The following ASCC3 variants were observed in gnomAD, a reference collection of about 807,000 sequenced individuals.
ASCC3 encodes the protein activating signal cointegrator 1 complex subunit 3.
In ASCC3, 158 loss-of-function variants were observed where a neutral mutation model predicts 256.3. The ratio of observed to expected loss-of-function variants is 0.62; its 90% CI spans 0.54 to 0.70. The LOEUF (loss-of-function observed/expected upper bound fraction) is 0.70, where lower values mean the gene tolerates loss of function less well. Among genes scored for constraint, ASCC3 ranks in the 30% least tolerant of loss-of-function variants. The pLI, the probability that ASCC3 is intolerant of heterozygous loss-of-function variation, is 0.00. For missense variants in ASCC3, 2,259 were observed against 2,626.0 expected (o/e 0.86, Z 3.05); for synonymous variants, 948 against 883.4 (o/e 1.07, Z -1.30).
intron 36 of ASCC3, among the ~76,000 whole-genome samples, chr6:100,551,816 C>T (rs1425322028): frequency 6.6e-6 from 1 of 151,868 alleles, no homozygotes. Flanking sequence ...TTTGACAGTT[C>T]TTCTTTTTCT....
At chr6:100,653,389 C>T (rs1775763583) in intron 17 of ASCC3, among the ~76,000 whole-genome samples, 1 of 152,066 alleles carries the variant, frequency 6.6e-6, no homozygotes, top group South Asian at 2.1e-4. Flanking sequence ...CCTGTAATCC[C>T]AGCACTTTGG....
intron 37 of ASCC3, among the ~76,000 whole-genome samples, chr6:100,527,143 A>G (rs1352328683): frequency 6.6e-6 from 1 of 152,194 alleles, no homozygotes; most frequent in Non-Finnish European, 1.5e-5. Context: ...AGTTTCCAGC[A>G]TACTTTAGAT....
intron 41 of ASCC3, 53 bp from the exon 42 acceptor site, chr6:100,509,586 A>G (rs1773652976): frequency 5.2e-6 from 8 of 1,527,110 alleles, no homozygotes; most frequent in South Asian, 4.6e-5. Context: ...AATCACAATC[A>G]TATTTAATTC....
At chr6:100,852,271 A>G (rs1772718816) in intron 3 of ASCC3, among the ~76,000 whole-genome samples, 1 of 152,164 alleles carries the variant, frequency 6.6e-6, no homozygotes, top group African/African-American at 2.4e-5. Flanking sequence ...ACAAAAATGT[A>G]ATTGGAAGGG....
chr6:100,520,102 C>T (rs1323917905), intron 37 of ASCC3, among the ~76,000 whole-genome samples: 3 of 152,066 alleles, frequency 2.0e-5, no homozygotes, highest in Non-Finnish European at 4.4e-5. Context: ...TAGTGCAGAC[C>T]TTCGTTTCTC....
At chr6:100,692,353 G>A (rs1319171256) in intron 13 of ASCC3, among the ~76,000 whole-genome samples, 1 of 151,824 alleles carries the variant, frequency 6.6e-6, no homozygotes, top group Non-Finnish European at 1.5e-5. Flanking sequence ...AAGATAATTT[G>A]CTGAAGAAAT....
intron 16 of ASCC3, among the ~76,000 whole-genome samples, chr6:100,660,787 T>C (rs1301581821): frequency 2.6e-5 from 4 of 151,664 alleles, no homozygotes; most frequent in African/African-American, 9.7e-5. Context: ...GAACCAAGAC[T>C]TTCCTGATAG....
At chr6:100,846,413 TA>T (rs1772385261) in intron 4 of ASCC3, among the ~76,000 whole-genome samples, 1 of 152,052 alleles carries the variant, frequency 6.6e-6, no homozygotes, top group African/African-American at 2.4e-5. Context: ...TACATAAAAC[TA>T]TACAGAACTA....
intron 32 of ASCC3, 114 bp from the exon 33 acceptor site, chr6:100,605,814 G>T: frequency 8.2e-7 from 1 of 1,214,390 alleles, no homozygotes. Flanking sequence ...ATAGAATATT[G>T]TGATAATATG....
intron 10 of ASCC3, among the ~76,000 whole-genome samples, chr6:100,751,134 A>C (rs1205602032): frequency 6.6e-6 from 1 of 152,018 alleles, no homozygotes; most frequent in Non-Finnish European, 1.5e-5. Context: ...ATCTAGATTT[A>C]CTATATCAAA....
At chr6:100,696,399 C>T (rs987872895) in intron 13 of ASCC3, among the ~76,000 whole-genome samples, 4 of 151,878 alleles carry the variant, frequency 2.6e-5, no homozygotes, top group Admixed American at 6.6e-5. Flanking sequence ...ATTTCATATT[C>T]GGCTTTAATA....
chr6:100,607,196 C>T, intron 30 of ASCC3, 108 bp from the exon 31 acceptor site: 1 of 1,191,598 alleles, frequency 8.4e-7, no homozygotes, highest in Non-Finnish European at 1.2e-6. Context: ...ATTATATGGA[C>T]ATAAAATATA....
intron 16 of ASCC3, among the ~76,000 whole-genome samples, chr6:100,656,394 G>A (rs1427530918): frequency 2.6e-5 from 4 of 151,506 alleles, no homozygotes; most frequent in Admixed American, 6.6e-5. Flanking sequence ...AAACAAAGCA[G>A]ATTTTGTTGT....
intron 30 of ASCC3, among the ~76,000 whole-genome samples, chr6:100,608,118 C>CTATATATACATATATATGTATATATAGG (rs1562161166): frequency 4.3e-5 from 1 of 23,350 alleles, no homozygotes; most frequent in Non-Finnish European, 9.3e-5. Flanking sequence ...GTATATATAT[C>CTATATATACATATATATGTATATATAGG]TATATATACA....
chr6:100,766,857 T>A (rs1582831467), intron 9 of ASCC3, 152 bp from the exon 10 acceptor site: 1 of 990,386 alleles, frequency 1.0e-6, no homozygotes, highest in East Asian at 2.6e-5. Flanking sequence ...AAGTCTTATC[T>A]TTGTGAGATA....
intron 36 of ASCC3, among the ~76,000 whole-genome samples, chr6:100,542,356 C>T (rs1775501759): frequency 6.6e-6 from 1 of 152,170 alleles, no homozygotes; most frequent in South Asian, 2.1e-4. Context: ...CATAAGGCAA[C>T]AGTGAAGCAA....
At chr6:100,776,729 AATCATAT>A (rs1243492664) in intron 8 of ASCC3, among the ~76,000 whole-genome samples, 1 of 152,074 alleles carries the variant, frequency 6.6e-6, no homozygotes, top group African/African-American at 2.4e-5. Flanking sequence ...TTTTTATAAT[AATCATAT>A]ATATTTATTT....
intron 40 of ASCC3, 143 bp downstream of exon 40, chr6:100,512,566 A>G: frequency 2.3e-6 from 2 of 863,094 alleles, no homozygotes; most frequent in Non-Finnish European, 3.8e-6. Flanking sequence ...GAATTTCAAA[A>G]GACTAACTCT....
At chr6:100,853,896 T>G (rs1483774544) in intron 3 of ASCC3, among the ~76,000 whole-genome samples, 1 of 152,162 alleles carries the variant, frequency 6.6e-6, no homozygotes, top group Non-Finnish European at 1.5e-5. Flanking sequence ...TACAGGACCT[T>G]ACCTACAACA....
Sources: allele counts gnomAD v4.1 joint callset (sites outside exome capture counted in the v4.1 genomes callset), GRCh38; gene constraint gnomAD v4.1.1; transcripts MANE v1.5; gene names NCBI Gene and HGNC (gene_info 2026-07-23, HGNC 2026-07-21).